Variants in ANXA3 observed in about 807,000 individuals in gnomAD.
ANXA3 encodes 35-alpha calcimedin.
In ANXA3, 46 loss-of-function variants were observed where a neutral mutation model predicts 48.8. The ratio of observed to expected loss-of-function variants is 0.94; its 90% CI spans 0.74 to 1.21. The LOEUF (loss-of-function observed/expected upper bound fraction) is 1.21, where lower values mean the gene tolerates loss of function less well. Ranked by LOEUF, ANXA3 falls within the 50% of genes most tolerant of loss-of-function variation. ANXA3 has a pLI of 0.00. For synonymous variants in ANXA3, 128 were observed against 134.7 expected, an observed-to-expected ratio of 0.95 and a Z score of 0.35; for missense variants, 383 against 378.6, an observed-to-expected ratio of 1.01 and a Z score of -0.10.
At chr4:78,565,193 CA>C (rs1368514259) in intron 2 of ANXA3, among the ~76,000 whole-genome samples, 1 of 152,080 alleles carries the variant, frequency 6.6e-6, no homozygotes, top group African/African-American at 2.4e-5. Flanking sequence ...AGAGTTTCAT[CA>C]TATTGGCCAG....
At chr4:78,563,920 G>T (rs1722677125) in intron 2 of ANXA3, among the ~76,000 whole-genome samples, 3 of 152,156 alleles carry the variant, frequency 2.0e-5, no homozygotes, top group Non-Finnish European at 4.4e-5. Flanking sequence ...GGCCAGAATA[G>T]CCATGTTAGT....
In ANXA3 at chr4:78,607,911, C is replaced by G. The variant is rs576492620; in HGVS notation, c.913-2145C>G. 1.1e-3 allele frequency among the ~76,000 whole-genome samples: 168 copies of G among 151,968 alleles called. No homozygotes were observed. In the Middle Eastern group the frequency reaches 0.02, roughly 18 times the overall value. On this transcript the variant is annotated intron_variant, in intron 12 of 12. Coordinates refer to ENST00000264908, the MANE Select transcript of ANXA3 (RefSeq NM_005139.3). ...CAATAGGGTCTTAAAAGTAAATGCT[C>G]TAGAGACAGATATGGGAAGAAGCAA... is the stretch of plus-strand genomic sequence containing the variant.
chr4:78,595,052 G>A (rs972078663), intron 7 of ANXA3, among the ~76,000 whole-genome samples: 1 of 152,206 alleles, frequency 6.6e-6, no homozygotes, highest in Admixed American at 6.5e-5. Flanking sequence ...CGGGAAGATG[G>A]CTTGAGCCTT....
intron 5 of ANXA3, among the ~76,000 whole-genome samples, chr4:78,584,300 G>A (rs574997518): frequency 1.3e-5 from 2 of 152,100 alleles, no homozygotes; most frequent in Admixed American, 1.3e-4. Context: ...AGCCTCCTGA[G>A]CAGCTGGGAC....
chr4:78,583,611 C>T (rs1723117226), intron 5 of ANXA3, among the ~76,000 whole-genome samples: 1 of 137,174 alleles, frequency 7.3e-6, no homozygotes, highest in African/African-American at 2.7e-5. Flanking sequence ...GATGCTGTCT[C>T]AGAAAAAAAA....
intron 4 of ANXA3, among the ~76,000 whole-genome samples, chr4:78,581,506 C>CA (rs1027878735): frequency 3.9e-5 from 6 of 152,032 alleles, no homozygotes; most frequent in South Asian, 4.2e-4. Flanking sequence ...ATTCCTAAAA[C>CA]AAAAAAATGT....
chr4:78,590,489 C>A (rs1233619246), intron 6 of ANXA3, among the ~76,000 whole-genome samples: 1 of 152,082 alleles, frequency 6.6e-6, no homozygotes, highest in Non-Finnish European at 1.5e-5. Flanking sequence ...GCTAGTATGG[C>A]TAATTTATAG....
chr4:78,599,260 C>A (rs982251381), intron 10 of ANXA3, among the ~76,000 whole-genome samples: 8 of 152,118 alleles, frequency 5.3e-5, no homozygotes, highest in Non-Finnish European at 5.9e-5. Context: ...CATAAGAAAC[C>A]CTGTAACTAT....
intron 2 of ANXA3, among the ~76,000 whole-genome samples, chr4:78,572,682 C>T (rs1461368116): frequency 6.6e-6 from 1 of 152,100 alleles, no homozygotes; most frequent in Non-Finnish European, 1.5e-5. Context: ...TAAAAGACTT[C>T]TCAAAAGGCC....
At chr4:78,580,719 C>T (rs1239176063) in intron 4 of ANXA3, among the ~76,000 whole-genome samples, 2 of 152,118 alleles carry the variant, frequency 1.3e-5, no homozygotes, top group African/African-American at 2.4e-5. Context: ...CTCTGAGCTC[C>T]CTTTATCAGA....
chr4:78,591,237 T>C (rs950535003), intron 6 of ANXA3, among the ~76,000 whole-genome samples: 5 of 152,220 alleles, frequency 3.3e-5, no homozygotes, highest in Admixed American at 2.0e-4. Flanking sequence ...GGCACACTAG[T>C]AGCTCATCCA....
chr4:78,568,504 G>A (rs1722776648), intron 2 of ANXA3, among the ~76,000 whole-genome samples: 1 of 152,200 alleles, frequency 6.6e-6, no homozygotes, highest in South Asian at 2.1e-4. Context: ...GAAGTGATGA[G>A]TGATCTGGCT....
chr4:78,574,118 T>C (rs1722899246), intron 3 of ANXA3, among the ~76,000 whole-genome samples: 1 of 152,174 alleles, frequency 6.6e-6, no homozygotes, highest in Admixed American at 6.6e-5. Context: ...TAATAAATCA[T>C]TACAAATATG....
At chr4:78,582,124 G>A (rs1052269450) in intron 4 of ANXA3, 53 bp from the exon 5 acceptor site, 1 of 1,239,842 alleles carries the variant, frequency 8.1e-7, no homozygotes, top group East Asian at 2.4e-5. Flanking sequence ...GGTGACTTTA[G>A]AGAAAGAGAA....
At chr4:78,605,803 A>G (rs1723634589) in intron 12 of ANXA3, among the ~76,000 whole-genome samples, 2 of 152,274 alleles carry the variant, frequency 1.3e-5, no homozygotes, top group African/African-American at 2.4e-5. Flanking sequence ...TTGAATTAAT[A>G]GGGCAGTAAG....
chr4:78,609,276 G>A (rs1723709890), intron 12 of ANXA3, among the ~76,000 whole-genome samples: 1 of 152,168 alleles, frequency 6.6e-6, no homozygotes, highest in Non-Finnish European at 1.5e-5. Flanking sequence ...AGAGCTCACT[G>A]GTTGGGTTAC....
At chr4:78,594,374 G>A (rs773991012) in intron 7 of ANXA3, among the ~76,000 whole-genome samples, 19 of 152,176 alleles carry the variant, frequency 1.2e-4, no homozygotes, top group Non-Finnish European at 2.2e-4. Flanking sequence ...GTATGGACAT[G>A]TTTTCAACTC....
chr4:78,592,534 T>G (rs1301228403), intron 7 of ANXA3, among the ~76,000 whole-genome samples: 1 of 152,218 alleles, frequency 6.6e-6, no homozygotes, highest in East Asian at 1.9e-4. Context: ...TATTCCTAAG[T>G]GCACATCTGT....
intron 3 of ANXA3, 83 bp downstream of exon 3, chr4:78,573,350 G>A (rs1722881889): frequency 1.0e-6 from 1 of 1,001,502 alleles, no homozygotes; most frequent in Admixed American, 2.0e-5. Context: ...TGCTCAGATT[G>A]GCTTACTCAA....
Sources: allele counts gnomAD v4.1 joint callset (sites outside exome capture counted in the v4.1 genomes callset), GRCh38; gene constraint gnomAD v4.1.1; transcripts MANE v1.5; gene names NCBI Gene and HGNC (gene_info 2026-07-23, HGNC 2026-07-21).